The following NAV1 variants were observed in gnomAD, a reference collection of about 807,000 sequenced individuals.
NAV1 encodes neuron navigator 1, also known as pore membrane and/or filament interacting like protein 3.
Under a neutral mutation model 175.2 loss-of-function variants are expected in NAV1, and 18 were observed. The observed-to-expected ratio is 0.10, with a 90% CI of 0.07 to 0.15. The LOEUF (loss-of-function observed/expected upper bound fraction) is 0.15. Ranked by LOEUF, NAV1 falls within the 10% of genes least tolerant of loss-of-function variation. The pLI is 1.00. For synonymous variants in NAV1, 897 were observed against 978.7 expected (o/e 0.92, Z 1.56); for missense variants, 1,731 against 2,436.6 (o/e 0.71, Z 6.10).
chr1:201,660,318 C>T (rs1490665447), intron 1 of NAV1, among the ~76,000 whole-genome samples: 1 of 152,180 alleles, frequency 6.6e-6, no homozygotes, highest in Non-Finnish European at 1.5e-5. Context: ...CTGCCTGACA[C>T]TCTGCCTGCC....
intron 15 of NAV1, among the ~76,000 whole-genome samples, chr1:201,802,601 A>T (rs1468389247): frequency 6.6e-6 from 1 of 151,830 alleles, no homozygotes; most frequent in Non-Finnish European, 1.5e-5. Flanking sequence ...CAACATGGTG[A>T]AACCCCGTCT....
chr1:201,586,983 C>T lies in NAV1; in HGVS notation c.-143-1556C>T, dbSNP rs538743426. ...CCCAGCACTTTGGGAGGCCAAGGCT[C>T]ACTTGAGCCCAGGAATCTGAGACCA... On this transcript the variant is annotated intron_variant, in intron 1 of 33. Transcript: ENST00000685211. Among the ~76,000 whole-genome samples the T allele has an allele frequency of 8.5e-5, 13 of 152,216 alleles. No homozygotes were observed. In the South Asian group the frequency reaches 2.3e-3, roughly 27 times the overall value.
chr1:201,550,760 C>T (rs1336367627), intron 1 of NAV1, among the ~76,000 whole-genome samples: 2 of 152,196 alleles, frequency 1.3e-5, no homozygotes, highest in East Asian at 1.9e-4. Context: ...AAAAGCTCCT[C>T]GGCTCTGCAC....
chr1:201,629,340 C>A, intron 1 of NAV1, 64 bp from the exon 4 acceptor site: 1 of 1,159,266 alleles, frequency 8.6e-7, no homozygotes, highest in Non-Finnish European at 1.1e-6. Context: ...TTCTTAGCCC[C>A]ATGGAGGGGC....
intron 3 of NAV1, among the ~76,000 whole-genome samples, chr1:201,777,450 G>A (rs1676027784): frequency 1.3e-5 from 2 of 151,760 alleles, no homozygotes; most frequent in African/African-American, 2.4e-5. Context: ...ATTAGAGCAT[G>A]TACTATTTCT....
At chr1:201,668,462 T>C (rs1271068776) in intron 1 of NAV1, among the ~76,000 whole-genome samples, 2 of 152,132 alleles carry the variant, frequency 1.3e-5, no homozygotes, top group African/African-American at 2.4e-5. Context: ...CGCTCATCAC[T>C]CCTGTCCACT....
intron 1 of NAV1, among the ~76,000 whole-genome samples, chr1:201,667,837 T>TA (rs1490134695): frequency 2.0e-5 from 3 of 152,224 alleles, no homozygotes; most frequent in Non-Finnish European, 4.4e-5. Context: ...AGCTGCTTTC[T>TA]ATGGCTGAGG....
chr1:201,621,335 T>TC (rs1439230675), upstream of NAV1, among the ~76,000 whole-genome samples: 5 of 143,316 alleles, frequency 3.5e-5, no homozygotes, highest in East Asian at 2.0e-4. Flanking sequence ...TTTCTTTCTT[T>TC]TTTTTTTTTT....
At chr1:201,823,299 C>A (rs1379666958) in exon 30 of NAV1, 1 of 152,562 alleles carries the variant, frequency 6.6e-6, no homozygotes, top group Non-Finnish European at 1.5e-5. Flanking sequence ...GTTTCTCAGA[C>A]CTTGCCTAGG....
intron 1 of NAV1, among the ~76,000 whole-genome samples, chr1:201,626,549 G>A (rs1475347024): frequency 5.3e-5 from 8 of 152,214 alleles, no homozygotes; most frequent in East Asian, 1.9e-4. Flanking sequence ...TCCCCTGTCC[G>A]CTCTCAGGAG....
intron 1 of NAV1, among the ~76,000 whole-genome samples, chr1:201,549,723 G>T (rs1413913721): frequency 2.6e-5 from 4 of 151,414 alleles, no homozygotes; most frequent in African/African-American, 9.7e-5. Context: ...TTAAGACCTG[G>T]GTGCCGGCCT....
chr1:201,643,294 T>G (rs544884057), upstream of NAV1, among the ~76,000 whole-genome samples: 4 of 148,746 alleles, frequency 2.7e-5, no homozygotes, highest in African/African-American at 1.0e-4. Flanking sequence ...TTTCTTCCCT[T>G]CCTTCTCTTT....
Position 201,788,489 on chromosome 1 carries a change from C to A in NAV1, c.3017C>A (p.Thr1006Lys). ...CCAGTGAGTCCCACTGCGGCCACCA[C>A]GCCAAGAATCACCCGCTCCAACAGC... The change falls in exon 10 of 30, where the codon ACG (threonine) becomes AAG (lysine). Residue 1006 changes from threonine (T) to lysine (K), a missense_variant. Physicochemically the swap from Thr to Lys is moderately conservative, Grantham distance 78 (BLOSUM62 -1). Transcript: ENST00000367296. This position sits in a 1 kb window ranked among gnomAD's most constrained non-coding sequence, Gnocchi z 5.7. 1 of 1,614,158 alleles carries A rather than the reference C, an allele frequency of 6.2e-7. No homozygotes were observed. Among genetic ancestry groups the A allele is most frequent in the Non-Finnish European group, 8.5e-7 (1 of 1,180,018 alleles).
upstream of NAV1, among the ~76,000 whole-genome samples, chr1:201,619,742 G>T (rs926731699): frequency 6.6e-6 from 1 of 152,220 alleles, no homozygotes; most frequent in African/African-American, 2.4e-5. Flanking sequence ...GGGTGGGCAG[G>T]GAATGGCATG....
At chr1:201,809,870 G>A in intron 22 of NAV1, 76 bp from the exon 27 acceptor site, 1 of 1,369,300 alleles carries the variant, frequency 7.3e-7, no homozygotes, top group South Asian at 1.3e-5. Flanking sequence ...TGTTTCCTCT[G>A]ATAGACATTC....
At chr1:201,815,896 G>A (rs1398976453) in intron 28 of NAV1, among the ~76,000 whole-genome samples, 2 of 151,876 alleles carry the variant, frequency 1.3e-5, no homozygotes, top group Admixed American at 1.3e-4. Flanking sequence ...GTGTCACCAC[G>A]CCCGGCTAAT....
intron 3 of NAV1, among the ~76,000 whole-genome samples, chr1:201,725,365 C>G (rs933028426): frequency 5.3e-5 from 8 of 152,162 alleles, no homozygotes; most frequent in Non-Finnish European, 1.2e-4. Context: ...AGGATAGAAG[C>G]AGAGAGCAGT....
At chr1:201,786,577 G>A (rs1353680409) in exon 9 of NAV1, 2 of 1,612,180 alleles carry the variant, frequency 1.2e-6, no homozygotes, top group Admixed American at 3.3e-5. Flanking sequence ...TACCAACATA[G>A]GTTAGTGTTT....
At chr1:201,587,659 G>A (rs1280358355) in intron 1 of NAV1, among the ~76,000 whole-genome samples, 1 of 152,066 alleles carries the variant, frequency 6.6e-6, no homozygotes, top group Non-Finnish European at 1.5e-5. Context: ...ACTCCAGCCT[G>A]GGCAACACAG....
Sources: gnomAD v4.1 joint callset for allele counts (sites outside exome capture counted in the v4.1 genomes callset) on GRCh38, gnomAD v4.1.1 for gene constraint, Gnocchi (gnomAD v3.1) non-coding constraint, MANE v1.5 for transcripts, NCBI Gene and HGNC (gene_info 2026-07-23, HGNC 2026-07-21) for gene names.